Variants in SLC38A8 observed in about 807,000 individuals in gnomAD.
SLC38A8 encodes the protein amino acid transporter SLC38A8.
Under a neutral mutation model 46.0 loss-of-function variants are expected in SLC38A8, and 65 were observed. The observed-to-expected ratio is 1.41, with a 90% CI of 1.16 to 1.74. The LOEUF is 1.74. Among genes scored for constraint, SLC38A8 ranks in the 40% most tolerant of loss-of-function variants. The probability of loss-of-function intolerance (pLI) is 0.00; values close to 1 mark genes in which losing one functional copy is unlikely to be tolerated. For synonymous variants in SLC38A8, 447 were observed against 243.7 expected (o/e 1.83, Z -7.77); for missense variants, 998 against 567.9 (o/e 1.76, Z -7.70).
At chr16:84,023,473 T>G (rs913377083) in intron 6 of SLC38A8, among the ~76,000 whole-genome samples, 1 of 152,122 alleles carries the variant, frequency 6.6e-6, no homozygotes. Flanking sequence ...AGAACCCACA[T>G]GCCCACCAAG....
At chr16:84,013,569 T>C (rs1423285321) in intron 9 of SLC38A8, among the ~76,000 whole-genome samples, 1 of 151,356 alleles carries the variant, frequency 6.6e-6, no homozygotes, top group Non-Finnish European at 1.5e-5. Flanking sequence ...TAGCTGGGAC[T>C]ACAGGTGCGT....
chr16:84,029,323 G>A (rs17724822), intron 6 of SLC38A8, among the ~76,000 whole-genome samples, 171 bp downstream of exon 6: 1 of 152,044 alleles, frequency 6.6e-6, no homozygotes, highest in Admixed American at 6.5e-5. Flanking sequence ...CCATCCTCAT[G>A]GTCTGGAATG....
chr16:84,015,794 C>T (rs1173068494), intron 9 of SLC38A8, among the ~76,000 whole-genome samples: 1 of 152,190 alleles, frequency 6.6e-6, no homozygotes, highest in Non-Finnish European at 1.5e-5. Context: ...CAACCTCCGC[C>T]TCCCGGGTTC....
At position 84,017,344 on chromosome 16, in the gene SLC38A8, C is replaced by G. The variant is rs567763545; in HGVS notation, c.806-57G>C. 8.8e-6 allele frequency: 14 copies of G among 1,591,298 alleles called. No individual in the cohort carries two copies. In the Admixed American group the frequency reaches 1.2e-4, roughly 14 times the overall value. ...TGGATTAGGAAAATGCTGCCCCCTC[C>G]CCCACCAACAGACAGACAGCGCCTG... On this transcript the variant is annotated intron_variant, in intron 7 of 10. Transcript: ENST00000299709.
intron 3 of SLC38A8, among the ~76,000 whole-genome samples, chr16:84,036,163 T>C (rs11860327): frequency 0.81 from 122,972 of 152,240 alleles, 49,896 homozygotes; most frequent in East Asian, 0.91. Context: ...AATTAAACAC[T>C]ACAATTCTAA....
In SLC38A8 at chr16:84,016,580, G is replaced by A; in HGVS notation, c.1101C>T (p.Asp367=). 1.2e-6 allele frequency: 2 copies of A among 1,614,114 alleles called. No homozygotes were observed. Among genetic ancestry groups the A allele is most frequent in the East Asian group, 2.2e-5 (1 of 44,888 alleles). ...VTLAMALFMP[D]LSEIVSIIGG... is the part of the protein sequence containing the mutation. The stretch of plus-strand genomic sequence containing the variant: ...CGATGATGCTGACGATCTCGCTGAG[G>A]TCAGGCATAAACAGCGCCATGGCGA... The change falls in exon 9 of 11, where the codon GAC becomes GAT. Residue 367 remains aspartate, a synonymous_variant. Coordinates refer to ENST00000299709, the MANE Select transcript of SLC38A8 (RefSeq NM_001080442.3).
chr16:84,032,630 G>C (rs534465147), intron 4 of SLC38A8, among the ~76,000 whole-genome samples: 4 of 152,348 alleles, frequency 2.6e-5, no homozygotes, highest in African/African-American at 9.6e-5. Flanking sequence ...GAGGGGACAA[G>C]CCGCCCCCTG....
chr16:84,032,395 G>T (rs896120603), intron 4 of SLC38A8, among the ~76,000 whole-genome samples: 27 of 152,174 alleles, frequency 1.8e-4, no homozygotes, highest in Admixed American at 1.8e-3. Context: ...CACCGTGTTG[G>T]TCAGGCTGGT....
At chr16:84,037,567 C>G (rs1295613974) in intron 2 of SLC38A8, among the ~76,000 whole-genome samples, 1 of 152,048 alleles carries the variant, frequency 6.6e-6, no homozygotes, top group Non-Finnish European at 1.5e-5. Context: ...TTGAGACCAG[C>G]CTGGCCAACA....
chr16:84,021,585 C>T (rs2151117352), intron 7 of SLC38A8, among the ~76,000 whole-genome samples: 1 of 152,320 alleles, frequency 6.6e-6, no homozygotes, highest in Admixed American at 6.5e-5. Context: ...AGTCTTGTCT[C>T]TAAGCCCTCA....
At chr16:84,040,550 G>A (rs1027032717) in intron 2 of SLC38A8, among the ~76,000 whole-genome samples, 2 of 152,152 alleles carry the variant, frequency 1.3e-5, no homozygotes, top group African/African-American at 4.8e-5. Flanking sequence ...CCCGGGGATT[G>A]GCCACAACCC....
At chr16:84,032,434 G>A (rs2085252133) in intron 4 of SLC38A8, among the ~76,000 whole-genome samples, 1 of 152,322 alleles carries the variant, frequency 6.6e-6, no homozygotes, top group Non-Finnish European at 1.5e-5. Flanking sequence ...TGATCTGCCT[G>A]CCTTGGCCTC....
In SLC38A8 at chr16:84,033,186, C is replaced by T. The variant is rs557923141; in HGVS notation, c.530+142G>A. ...TGTTTTGCATCATGCATACATTTTACTTGTATAATTTTTTTTTCGTTTTCC... is the reference window on the plus strand; with the variant it reads ...TGTTTTGCATCATGCATACATTTTATTTGTATAATTTTTTTTTCGTTTTCC... On this transcript the variant is annotated intron_variant, in intron 4 of 10. Coordinates refer to ENST00000299709, the MANE Select transcript of SLC38A8 (RefSeq NM_001080442.3). 3 of 1,108,970 alleles carry T rather than the reference C, an allele frequency of 2.7e-6. No homozygotes were observed. The African/African-American group carries it at 4.7e-5, about 17-fold the overall frequency. 68.7% of individuals were successfully genotyped at this position (1,108,970 alleles called of 1,614,324 possible).
At chr16:84,025,620 G>A (rs545285514) in intron 6 of SLC38A8, among the ~76,000 whole-genome samples, 20 of 152,210 alleles carry the variant, frequency 1.3e-4, no homozygotes, top group African/African-American at 2.2e-4. Context: ...TACCCATCCC[G>A]TGAACCCACC....
At chr16:84,031,774 G>A (rs1008523062) in intron 5 of SLC38A8, 93 bp downstream of exon 5, 3 of 1,079,462 alleles carry the variant, frequency 2.8e-6, no homozygotes, top group African/African-American at 1.6e-5. Context: ...TCTGCAGTGA[G>A]CCACGAGAGG....
chr16:84,015,968 T>C (rs1441774976), intron 9 of SLC38A8, among the ~76,000 whole-genome samples: 1 of 152,232 alleles, frequency 6.6e-6, no homozygotes, highest in African/African-American at 2.4e-5. Flanking sequence ...CGTGAGCCAC[T>C]GTGCCCAGCC....
At chr16:84,017,325 AG>A in intron 7 of SLC38A8, 38 bp from the exon 8 acceptor site, 3 of 1,609,342 alleles carry the variant, frequency 1.9e-6, no homozygotes, top group Non-Finnish European at 2.5e-6. Context: ...AGAGTGGATT[AG>A]GAAAATGCTG....
At chr16:84,027,983 T>A (rs1393003212) in intron 6 of SLC38A8, among the ~76,000 whole-genome samples, 1 of 152,016 alleles carries the variant, frequency 6.6e-6, no homozygotes, top group Non-Finnish European at 1.5e-5. Context: ...AGAAGTGGCT[T>A]GCTGAGGCCC....
At chr16:84,014,329 T>C (rs1307198708) in intron 9 of SLC38A8, among the ~76,000 whole-genome samples, 1 of 139,260 alleles carries the variant, frequency 7.2e-6, no homozygotes, top group Non-Finnish European at 1.5e-5. Flanking sequence ...GGCCACACCC[T>C]CACCTCTGAA....
Sources: allele counts gnomAD v4.1 joint callset (sites outside exome capture counted in the v4.1 genomes callset), GRCh38; gene constraint gnomAD v4.1.1; transcripts MANE v1.5; gene names NCBI Gene and HGNC (gene_info 2026-07-23, HGNC 2026-07-21).